Variants in RCBTB2 observed in about 807,000 individuals in gnomAD.
The protein encoded by RCBTB2 is RCC1 and BTB domain containing protein 2.
RCBTB2 carries 55 observed loss-of-function variants against 65.4 expected under a neutral mutation model. The ratio of observed to expected loss-of-function variants is 0.84; its 90% CI spans 0.68 to 1.05. RCBTB2 has a LOEUF of 1.05. Ranked by LOEUF, RCBTB2 falls within the 50% of genes least tolerant of loss-of-function variation. The pLI, the probability that RCBTB2 is intolerant of heterozygous loss-of-function variation, is 0.00. For synonymous variants in RCBTB2, 220 were observed against 255.2 expected (o/e 0.86, Z 1.31); for missense variants, 599 against 680.1 (o/e 0.88, Z 1.33).
At chr13:48,533,563 TCTTGTAGC>T (rs1190703979), upstream of RCBTB2, among the ~76,000 whole-genome samples, 1 of 152,286 alleles carries the variant, frequency 6.6e-6, no homozygotes, top group Non-Finnish European at 1.5e-5. Context: ...GGGGCGGAAG[TCTTGTAGC>T]CCCCTGTAGT....
Position 48,524,664 on chromosome 13 carries a change from T to G in RCBTB2, c.-125A>C, listed in dbSNP as rs1435296496. 6.6e-6 allele frequency: 1 copy of G among 152,244 alleles called. No homozygotes were observed. Among genetic ancestry groups the G allele is most frequent in the Non-Finnish European group, 1.5e-5 (1 of 68,032 alleles). The allele number at this position is 152,244 out of a possible 1,614,324, so 9.4% of individuals were successfully genotyped here. On this transcript the variant is annotated 5_prime_UTR_variant, in exon 2 of 15. Transcript: ENST00000344532. ...CCCTCCAAAAACTTTTGTACCTGATTGTTTTAAATTTCTGGAACCCAGTAT... is the reference window on the plus strand; with the variant it reads ...CCCTCCAAAAACTTTTGTACCTGATGGTTTTAAATTTCTGGAACCCAGTAT...
intron 1 of RCBTB2, chr13:48,532,785 TG>T (rs1428769350): frequency 3.2e-6 from 1 of 309,288 alleles, no homozygotes; most frequent in Non-Finnish European, 6.4e-6. Flanking sequence ...GCCTGCGGCC[TG>T]GGCTGGGTGT....
At chr13:48,535,546 A>G (rs1952352463), upstream of RCBTB2, 1 of 408,644 alleles carries the variant, frequency 2.4e-6, no homozygotes, top group Admixed American at 2.6e-5. Flanking sequence ...GTGAGCTATC[A>G]TGCTTGGCCC....
intron 4 of RCBTB2, among the ~76,000 whole-genome samples, chr13:48,518,472 A>AAAATATATAT (rs1491137365): frequency 8.1e-4 from 94 of 116,572 alleles, no homozygotes; most frequent in African/African-American, 1.5e-3. Context: ...AAAAAAAAAA[A>AAAATATATAT]ATATATATAT....
intron 12 of RCBTB2, among the ~76,000 whole-genome samples, chr13:48,501,099 G>T (rs1338008757): frequency 6.6e-6 from 1 of 152,174 alleles, no homozygotes; most frequent in Admixed American, 6.5e-5. Flanking sequence ...GTGACAGAAG[G>T]AGCTGCGGTC....
intron 6 of RCBTB2, among the ~76,000 whole-genome samples, chr13:48,514,248 CT>C (rs1950962433): frequency 6.6e-6 from 1 of 152,186 alleles, no homozygotes; most frequent in Admixed American, 6.5e-5. Context: ...ACTGAGACAG[CT>C]ACTAAGTAAC....
chr13:48,503,963 G>A (rs1950368577), intron 10 of RCBTB2, among the ~76,000 whole-genome samples: 1 of 152,146 alleles, frequency 6.6e-6, no homozygotes, highest in Non-Finnish European at 1.5e-5. Flanking sequence ...TTAACCCAGG[G>A]GAAGTCCCCA....
chr13:48,530,630 A>C (rs1254608911), intron 1 of RCBTB2, among the ~76,000 whole-genome samples: 3 of 152,264 alleles, frequency 2.0e-5, no homozygotes, highest in Non-Finnish European at 4.4e-5. Context: ...CTTAGAAAAG[A>C]TCTTCACTAG....
chr13:48,505,140 A>G (rs375600248), intron 10 of RCBTB2, among the ~76,000 whole-genome samples: 1 of 150,686 alleles, frequency 6.6e-6, no homozygotes, highest in Non-Finnish European at 1.5e-5. Context: ...CGTGACTAGC[A>G]CTAGGCTGCG....
chr13:48,496,229 T>C lies in RCBTB2; in HGVS notation c.1477A>G (p.Ile493Val). The C allele has an allele frequency of 1.9e-6, 3 of 1,588,074 alleles. No individual in the cohort carries two copies. Among genetic ancestry groups the C allele is most frequent in the Non-Finnish European group, 2.6e-6 (3 of 1,166,806 alleles). The change falls in exon 14 of 15, where the codon ATC becomes GTC. Residue 493 changes from isoleucine (I) to valine (V), a missense_variant. By Grantham distance (29) the Ile-to-Val change is conservative. Transcript: ENST00000344532. ...IKQGICEENA[I>V]ALLSAAVKYD... ...TTCACCGCAGCCGAGAGCAGAGCGA[T>C]GGCATTCTCCTCGCAGATGCCTTGC...
chr13:48,505,485 G>A (rs1950455934), intron 10 of RCBTB2, among the ~76,000 whole-genome samples: 1 of 152,144 alleles, frequency 6.6e-6, no homozygotes, highest in Admixed American at 6.5e-5. Context: ...CGGGGAAAAT[G>A]GTTAACAATA....
rs769605835 is a variant in RCBTB2 at position 48,490,131 on chromosome 13, C to G, written c.1636G>C (p.Val546Leu). The G allele has an allele frequency of 6.8e-6, 11 of 1,613,996 alleles. No individual in the cohort carries two copies. The highest frequency in any genetic ancestry group is 1.6e-4 in the Middle Eastern group (1 of 6,082). The stretch of plus-strand genomic sequence containing the variant: ...TGGGATCAATTTTTAAAGGCTCCAA[C>G]TCTGCTTGCTTTGCTGATAAAGTTC... ...LKNFISKASR[V>L]GAFKN The change falls in exon 15 of 15, where the codon GTT becomes CTT. Residue 546 changes from valine (V) to leucine (L), a missense_variant. Coordinates refer to ENST00000344532, the MANE Select transcript of RCBTB2 (RefSeq NM_001268.4).
intron 12 of RCBTB2, 88 bp downstream of exon 12, chr13:48,501,654 T>A: frequency 8.9e-7 from 1 of 1,127,330 alleles, no homozygotes; most frequent in Middle Eastern, 2.5e-4. Context: ...TTTTTCTTGA[T>A]TACTGAGGTG....
upstream of RCBTB2, chr13:48,535,871 C>T (rs1952355103): frequency 2.5e-6 from 1 of 398,760 alleles, no homozygotes; most frequent in Non-Finnish European, 4.9e-6. Flanking sequence ...TCTCTATCTT[C>T]TCGTTCCCTT....
intron 1 of RCBTB2, among the ~76,000 whole-genome samples, chr13:48,530,851 A>G (rs1414616411): frequency 6.6e-6 from 1 of 152,230 alleles, no homozygotes; most frequent in Non-Finnish European, 1.5e-5. Context: ...ATATACTATA[A>G]AAAATGGTGA....
chr13:48,516,582 A>T (rs966333240), intron 4 of RCBTB2, among the ~76,000 whole-genome samples: 1 of 152,190 alleles, frequency 6.6e-6, no homozygotes, highest in South Asian at 2.1e-4. Flanking sequence ...TTTTATAAGG[A>T]CACCAATTAT....
chr13:48,521,576 G>T (rs2138608166), intron 4 of RCBTB2, among the ~76,000 whole-genome samples: 1 of 152,282 alleles, frequency 6.6e-6, no homozygotes, highest in South Asian at 2.1e-4. Context: ...CTCTGGGAAT[G>T]GGATAAACAT....
chr13:48,516,785 T>C (rs1483499968), intron 4 of RCBTB2, among the ~76,000 whole-genome samples: 1 of 152,222 alleles, frequency 6.6e-6, no homozygotes, highest in Non-Finnish European at 1.5e-5. Context: ...AGTTATAAAT[T>C]TGTTTGAAAG....
chr13:48,533,953 A>T (rs1952312827), upstream of RCBTB2, among the ~76,000 whole-genome samples: 1 of 152,228 alleles, frequency 6.6e-6, no homozygotes, highest in Non-Finnish European at 1.5e-5. Flanking sequence ...GCCAAAGAGA[A>T]AAACTAACAT....
Sources: allele counts gnomAD v4.1 joint callset (sites outside exome capture counted in the v4.1 genomes callset), GRCh38; gene constraint gnomAD v4.1.1; transcripts MANE v1.5; gene names NCBI Gene and HGNC (gene_info 2026-07-23, HGNC 2026-07-21).